Variants in SLC8A1 observed in about 807,000 individuals in gnomAD.
The protein encoded by SLC8A1 is solute carrier family 8 member A1, also known as sodium/calcium exchanger 1.
Under a neutral mutation model 68.3 loss-of-function variants are expected in SLC8A1, and 18 were observed. The ratio of observed to expected loss-of-function variants is 0.26; its 90% CI spans 0.18 to 0.39. SLC8A1 has a LOEUF of 0.39. SLC8A1 is among the 10% of genes least tolerant of loss of function. The pLI, the probability that SLC8A1 is intolerant of heterozygous loss-of-function variation, is 1.00. For missense variants in SLC8A1, 985 were observed against 1,156.7 expected (o/e 0.85, Z 2.15); for synonymous variants, 475 against 415.5 (o/e 1.14, Z -1.74).
Position 40,268,629 on chromosome 2 carries a change from A to C in SLC8A1, c.1809-90774T>G, listed in dbSNP as rs935443675. Among the ~76,000 whole-genome samples the C allele has an allele frequency of 2.6e-5, 4 of 152,138 alleles. No homozygotes were observed. In the South Asian group the frequency reaches 8.3e-4, roughly 32 times the overall value. ...GGCTATATTTAATCAAACCATCTGA[A>C]ATCCTATGTACGTGTATAAGGGCAG... On this transcript the variant is annotated intron_variant, in intron 2 of 7. Transcript: ENST00000406785.
At chr2:40,490,705 A>T (rs1300470286) in intron 1 of SLC8A1, among the ~76,000 whole-genome samples, 1 of 152,114 alleles carries the variant, frequency 6.6e-6, no homozygotes, top group Non-Finnish European at 1.5e-5. Flanking sequence ...AATAAAACTC[A>T]AAATGAAAGA....
chr2:40,418,285 T>A, intron 2 of SLC8A1, among the ~76,000 whole-genome samples: 1 of 152,220 alleles, frequency 6.6e-6, no homozygotes, highest in East Asian at 1.9e-4. Flanking sequence ...TTACATTATA[T>A]TAATATTATT....
chr2:40,495,493 A>G (rs1214233859), intron 1 of SLC8A1, among the ~76,000 whole-genome samples: 1 of 152,030 alleles, frequency 6.6e-6, no homozygotes, highest in East Asian at 1.9e-4. Context: ...AATGACTAGG[A>G]CAATTTAAGT....
intron 2 of SLC8A1, among the ~76,000 whole-genome samples, chr2:40,322,211 C>A (rs1360595617): frequency 6.6e-6 from 1 of 152,126 alleles, no homozygotes; most frequent in Non-Finnish European, 1.5e-5. Flanking sequence ...TTCCAGGTAT[C>A]CCTGGGTTCA....
intron 2 of SLC8A1, among the ~76,000 whole-genome samples, chr2:40,376,939 T>G (rs578133137): frequency 2.8e-4 from 43 of 152,194 alleles, no homozygotes; most frequent in African/African-American, 9.9e-4. Flanking sequence ...ATGACCCCCA[T>G]GAACCATGAC....
At chr2:40,493,046 T>G (rs1368272849) in intron 1 of SLC8A1, among the ~76,000 whole-genome samples, 1 of 152,072 alleles carries the variant, frequency 6.6e-6, no homozygotes, top group Non-Finnish European at 1.5e-5. Flanking sequence ...ACATGAACAC[T>G]CATGTTTATT....
exon 8 of SLC8A1, chr2:40,108,322 T>C (rs900080625): frequency 1.3e-5 from 2 of 152,302 alleles, no homozygotes; most frequent in South Asian, 2.1e-4. Context: ...CCAAAAAGTA[T>C]GTATGCCCAA....
At chr2:40,405,078 A>G (rs1689907893) in intron 2 of SLC8A1, among the ~76,000 whole-genome samples, 1 of 152,190 alleles carries the variant, frequency 6.6e-6, no homozygotes, top group African/African-American at 2.4e-5. Context: ...AATTCATTTC[A>G]ACAGAGGATT....
chr2:40,156,351 ACTG>A (rs1446402124), intron 6 of SLC8A1, among the ~76,000 whole-genome samples: 1 of 136,598 alleles, frequency 7.3e-6, no homozygotes, highest in Non-Finnish European at 1.6e-5. Flanking sequence ...CAGAACCAAA[ACTG>A]CTGGAGTTTT....
chr2:40,205,564 G>C (rs993189552), intron 2 of SLC8A1, among the ~76,000 whole-genome samples: 3 of 151,950 alleles, frequency 2.0e-5, no homozygotes, highest in African/African-American at 7.2e-5. Flanking sequence ...ACCAAACACC[G>C]CAGGTTCTCA....
At chr2:40,468,674 T>C (rs1703834124) in intron 1 of SLC8A1, among the ~76,000 whole-genome samples, 2 of 152,154 alleles carry the variant, frequency 1.3e-5, no homozygotes, top group Non-Finnish European at 1.5e-5. Context: ...GCAGAAGGAA[T>C]AGTGGAACAA....
rs561052888 is a variant in SLC8A1, at chr2:40,406,161, G to A, written c.1808+22312C>T. ...TCAAATGCACATGGACACAGGCTCC[G>A]CGTTTTAAATTCCGCATTTTCTCAA... is the stretch of plus-strand genomic sequence containing the variant. On this transcript the variant is annotated intron_variant, in intron 2 of 7. Transcript: ENST00000406785. Among the ~76,000 whole-genome samples, 15 of 152,222 alleles carry A rather than the reference G, an allele frequency of 9.9e-5. No individual in the cohort carries two copies. The South Asian group carries it at 2.3e-3, about 23-fold the overall frequency.
chr2:40,104,306 A>G (rs1250478737), exon 8 of SLC8A1: 1 of 152,238 alleles, frequency 6.6e-6, no homozygotes. Flanking sequence ...AACACCTAGT[A>G]AAAGAATTCA....
At chr2:40,275,361 C>G (rs1288579085) in intron 2 of SLC8A1, among the ~76,000 whole-genome samples, 1 of 152,150 alleles carries the variant, frequency 6.6e-6, no homozygotes. Flanking sequence ...GTTAAGGATC[C>G]AAAGAGTTAG....
At chr2:40,279,738 G>A (rs190443434) in intron 2 of SLC8A1, among the ~76,000 whole-genome samples, 13 of 152,286 alleles carry the variant, frequency 8.5e-5, no homozygotes, top group Admixed American at 8.5e-4. Flanking sequence ...GGCATGCAAA[G>A]TAAAATCTGT....
At chr2:40,173,606 G>A (rs1413853766) in intron 4 of SLC8A1, among the ~76,000 whole-genome samples, 1 of 152,150 alleles carries the variant, frequency 6.6e-6, no homozygotes, top group Non-Finnish European at 1.5e-5. Flanking sequence ...TTGTTCATGA[G>A]TTTACACTAA....
chr2:40,239,858 A>G (rs2060973107), intron 2 of SLC8A1, among the ~76,000 whole-genome samples: 1 of 152,206 alleles, frequency 6.6e-6, no homozygotes, highest in Non-Finnish European at 1.5e-5. Flanking sequence ...TCTCCTCACT[A>G]AATATGTTGA....
chr2:40,512,011 A>T (rs911822906), intron 1 of SLC8A1, among the ~76,000 whole-genome samples: 5 of 152,058 alleles, frequency 3.3e-5, no homozygotes, highest in Admixed American at 6.6e-5. Context: ...GAGTCTCAGA[A>T]CCCCGCGGAA....
chr2:40,499,973 G>A (rs538794822), intron 1 of SLC8A1, among the ~76,000 whole-genome samples: 1 of 152,146 alleles, frequency 6.6e-6, no homozygotes, highest in African/African-American at 2.4e-5. Context: ...AGTGGGAAAA[G>A]GCTTCTTTCT....
Sources: allele counts gnomAD v4.1 joint callset (sites outside exome capture counted in the v4.1 genomes callset), GRCh38; gene constraint gnomAD v4.1.1; transcripts MANE v1.5; gene names NCBI Gene and HGNC (gene_info 2026-07-23, HGNC 2026-07-21).